The following MTERF2 variants were observed in gnomAD, a reference collection of about 807,000 sequenced individuals.
MTERF2 encodes transcription termination factor 2, mitochondrial.
A neutral mutation model predicts 29.2 loss-of-function variants in MTERF2; 23 were observed. The ratio of observed to expected loss-of-function variants is 0.79; its 90% CI spans 0.57 to 1.12. The LOEUF is 1.12. Ranked by LOEUF, MTERF2 falls within the 50% of genes most tolerant of loss-of-function variation. The pLI is 0.00. For missense variants in MTERF2, 440 were observed against 429.4 expected, an observed-to-expected ratio of 1.02 and a Z score of -0.22; for synonymous variants, 157 against 159.5, an observed-to-expected ratio of 0.98 and a Z score of 0.12.
Position 106,978,290 on chromosome 12 carries a change from G to A in MTERF2, c.425C>T (p.Thr142Ile). ...CTTCTGGTTCTCTTGGTCTTTAATA[G>A]TAAAGAAAGATTCTGGAAACTGCTC... is the stretch of plus-strand genomic sequence containing the variant. ...LIEQFPESFF[T>I]IKDQENQKLN... The change falls in exon 3 of 3, where the codon ACT becomes ATT. Residue 142 changes from threonine to isoleucine, a missense_variant. Thr to Ile is a moderately conservative substitution (Grantham distance 89). Transcript: ENST00000240050. The A allele has an allele frequency of 6.2e-7, 1 of 1,614,000 alleles. No homozygotes were observed. The highest frequency in any genetic ancestry group is 1.3e-5 in the African/African-American group (1 of 75,002).
rs1182159726 is a variant in MTERF2 at position 106,977,730 on chromosome 12, T to C, written c.985A>G (p.Ile329Val). The change falls in exon 3 of 3, where the codon ATA becomes GTA. Residue 329 changes from isoleucine to valine, a missense_variant. By Grantham distance (29) the Ile-to-Val change is conservative. Transcript: ENST00000240050. ...AGTTTCCTTATCCTGTACTGTACTA[T>C]CTGTGGTGTTAATTCAAGAACCATT... Reference protein sequence around the residue: ...TPMVLELTPQIVQYRIRKLNS... With the variant: ...TPMVLELTPQVVQYRIRKLNS... 6.2e-7 allele frequency: 1 copy of C among 1,614,042 alleles called. No homozygotes were observed. Among genetic ancestry groups the C allele is most frequent in the South Asian group, 1.1e-5 (1 of 91,082 alleles).
intron 2 of MTERF2, among the ~76,000 whole-genome samples, chr12:106,982,412 C>T (rs147172764): frequency 6.6e-6 from 1 of 152,140 alleles, no homozygotes; most frequent in African/African-American, 2.4e-5. Flanking sequence ...TCAGATGAGT[C>T]GTCTTTACTA....
At chr12:106,981,276 G>A (rs543555534) in intron 2 of MTERF2, among the ~76,000 whole-genome samples, 7 of 152,250 alleles carry the variant, frequency 4.6e-5, no homozygotes, top group Non-Finnish European at 7.4e-5. Context: ...TTAGAACAGC[G>A]CCTCACACTA....
intron 2 of MTERF2, among the ~76,000 whole-genome samples, chr12:106,979,318 G>A (rs1952028257): frequency 6.6e-6 from 1 of 152,212 alleles, no homozygotes; most frequent in South Asian, 2.1e-4. Context: ...AGGGGGAAGA[G>A]GGGAAGGGTC....
intron 2 of MTERF2, among the ~76,000 whole-genome samples, chr12:106,981,641 C>T (rs938517662): frequency 2.6e-5 from 4 of 152,006 alleles, no homozygotes; most frequent in African/African-American, 9.7e-5. Context: ...CAGCCTCAGC[C>T]TCCTGAGTAG....
At position 106,977,706 on chromosome 12, in the gene MTERF2, G is replaced by T. The variant is rs1359260661; in HGVS notation, c.1009C>A (p.Leu337Met). The change falls in exon 3 of 3, where the codon CTG (leucine) becomes ATG (methionine). Residue 337 changes from leucine to methionine, a missense_variant. Transcript: ENST00000240050. ...TTTATTCTGTAGCCTGAGGAATTCA[G>T]TTTCCTTATCCTGTACTGTACTATC... ...PQIVQYRIRKLNSSGYRIKDG... is the reference protein window; with the variant it reads ...PQIVQYRIRKMNSSGYRIKDG... The T allele has an allele frequency of 6.2e-7, 1 of 1,613,960 alleles. No individual in the cohort carries two copies. The highest frequency in any genetic ancestry group is 1.1e-5 in the South Asian group (1 of 91,078).
chr12:106,980,029 C>T (rs1255484114), intron 2 of MTERF2, among the ~76,000 whole-genome samples: 3 of 152,150 alleles, frequency 2.0e-5, no homozygotes, highest in Non-Finnish European at 4.4e-5. Flanking sequence ...TCCCGAGTAG[C>T]TGGGACTACA....
chr12:106,981,176 G>C (rs1952048170), intron 2 of MTERF2, among the ~76,000 whole-genome samples: 1 of 152,190 alleles, frequency 6.6e-6, no homozygotes, highest in South Asian at 2.1e-4. Context: ...AGGAGCGTGG[G>C]CTGCTGCCAA....
At chr12:106,986,468 A>C (rs1435609440) in intron 1 of MTERF2, 3 of 151,772 alleles carry the variant, frequency 2.0e-5, no homozygotes, top group African/African-American at 7.3e-5. Flanking sequence ...TAAAAAAAAA[A>C]ACAAAAAACA....
At position 106,978,226 on chromosome 12, in the gene MTERF2, A is replaced by AT. The variant is rs1171939494; in HGVS notation, c.488dup (p.Asn163LysfsTer5). The AT allele has an allele frequency of 8.7e-6, 14 of 1,613,660 alleles. No homozygotes were observed. Among genetic ancestry groups the AT allele is most frequent in the Non-Finnish European group, 1.2e-5 (14 of 1,179,996 alleles). ...CTGTCAAAAGTCTGCTAATGACCAC[A>AT]TTTTTTAGTCCCAACTCTTGAAAGA... On this transcript the variant is annotated frameshift_variant, in exon 3 of 3. Transcript: ENST00000240050. LOFTEE classifies it high-confidence loss of function.
chr12:106,982,966 G>A (rs181557067), intron 2 of MTERF2, among the ~76,000 whole-genome samples: 22 of 151,916 alleles, frequency 1.4e-4, no homozygotes, highest in Non-Finnish European at 2.8e-4. Context: ...AAACTATTTC[G>A]TTCATCTTTA....
rs1319574978 is a variant in MTERF2 at position 106,978,643 on chromosome 12, T to G, written c.72A>C (p.Pro24=). 1 of 1,614,218 alleles carries G rather than the reference T, an allele frequency of 6.2e-7. No homozygotes were observed. The highest frequency in any genetic ancestry group is 1.7e-5 in the Admixed American group (1 of 60,022). The change falls in exon 3 of 3, where the codon CCA becomes CCC. Residue 24 remains proline (P), a synonymous_variant. Coordinates refer to ENST00000240050, the MANE Select transcript of MTERF2 (RefSeq NM_001033050.3). ...LCSFRKMRSP[P]KYRPFLACFT... Reference sequence around the variant, plus strand: ...AGCATGCTAAGAAAGGTCTGTATTTTGGAGGTGATCGCATCTTTCTGAAAG... The same window carrying G: ...AGCATGCTAAGAAAGGTCTGTATTTGGGAGGTGATCGCATCTTTCTGAAAG...
intron 2 of MTERF2, among the ~76,000 whole-genome samples, chr12:106,982,081 G>C (rs1467151613): frequency 6.6e-6 from 1 of 152,164 alleles, no homozygotes; most frequent in Non-Finnish European, 1.5e-5. Flanking sequence ...AGGAGCCTCT[G>C]TCAGTGGATG....
At position 106,977,961 on chromosome 12, in the gene MTERF2, T is replaced by G. The variant is rs1387739241; in HGVS notation, c.754A>C (p.Lys252Gln). Residue 252 changes from lysine (K) to glutamine (Q), a missense_variant, in exon 3 of 3, where the codon AAA becomes CAA. Lys to Gln is a moderately conservative substitution (Grantham distance 53). Transcript: ENST00000240050. ...GGGCAAAGTTGAAAAAGAAATCCTT[T>G]GAGTTTGGATAGAAGCTGGAGAATT... ...FEILQLLSKL[K>Q]GFLFQLCPRS... The G allele has an allele frequency of 6.2e-7, 1 of 1,614,152 alleles. No individual in the cohort carries two copies. Among genetic ancestry groups the G allele is most frequent in the South Asian group, 1.1e-5 (1 of 91,078 alleles).
Position 106,977,665 on chromosome 12 carries a change from T to C in MTERF2, c.1050A>G (p.Ala350=). 6.2e-7 allele frequency: 1 copy of C among 1,614,046 alleles called. No individual in the cohort carries two copies. The highest frequency in any genetic ancestry group is 8.5e-7 in the Non-Finnish European group (1 of 1,179,954). Residue 350 remains alanine, a synonymous_variant, in exon 3 of 3, where the codon GCA becomes GCG. Transcript: ENST00000240050. ...ACTCTTTTTTTGATCCATTTAGATT[T>C]GCTAGATGTCCATCCTTTATTCTGT... ...SGYRIKDGHL[A]NLNGSKKEFE... is the part of the protein sequence containing the mutation.
intron 2 of MTERF2, chr12:106,980,686 T>TGGCA (rs1952044277): frequency 1.3e-5 from 2 of 152,348 alleles, no homozygotes; most frequent in African/African-American, 4.8e-5. Context: ...TTTAGCCTGT[T>TGGCA]GGCAGCCTTC....
chr12:106,980,697 C>T (rs1952044332), intron 2 of MTERF2: 1 of 152,182 alleles, frequency 6.6e-6, no homozygotes, highest in African/African-American at 2.4e-5. Context: ...GGCAGCCTTC[C>T]CTCACTCTTT....
At chr12:106,978,797 T>C (rs1952021875) in intron 2 of MTERF2, 26 bp from the exon 3 acceptor site, 12 of 1,300,116 alleles carry the variant, frequency 9.2e-6, no homozygotes, top group Non-Finnish European at 1.2e-5. Context: ...TAAAGGTTTT[T>C]AGTATAAGGG....
chr12:106,979,862 A>G (rs1952035589), intron 2 of MTERF2, among the ~76,000 whole-genome samples: 1 of 152,114 alleles, frequency 6.6e-6, no homozygotes, highest in Non-Finnish European at 1.5e-5. Flanking sequence ...AATTAGACAT[A>G]AGATACATTA....
Sources: gnomAD v4.1 joint callset for allele counts (sites outside exome capture counted in the v4.1 genomes callset) on GRCh38, gnomAD v4.1.1 for gene constraint, MANE v1.5 for transcripts, NCBI Gene and HGNC (gene_info 2026-07-23, HGNC 2026-07-21) for gene names.